The following CLRN3 variants were observed in gnomAD, a reference collection of about 807,000 sequenced individuals.
CLRN3 encodes the protein clarin-3.
Under a neutral mutation model 16.7 loss-of-function variants are expected in CLRN3, and 12 were observed. The ratio of observed to expected loss-of-function variants is 0.72; its 90% CI spans 0.46 to 1.16. The LOEUF (loss-of-function observed/expected upper bound fraction) is 1.16. Ranked by LOEUF, CLRN3 falls within the 50% of genes most tolerant of loss-of-function variation. The probability of loss-of-function intolerance (pLI) is 0.00; values close to 1 mark genes in which losing one functional copy is unlikely to be tolerated. For missense variants in CLRN3, 296 were observed against 274.2 expected (o/e 1.08, Z -0.56); for synonymous variants, 118 against 113.0 (o/e 1.04, Z -0.28).
Position 127,892,615 on chromosome 10 carries a change from C to A in CLRN3, c.170G>T (p.Arg57Leu), listed in dbSNP as rs149266641. The change falls in exon 1 of 3, where the codon CGT becomes CTT. Residue 57 changes from arginine (R) to leucine (L), a missense_variant. Arg to Leu is a moderately radical substitution (Grantham distance 102). Coordinates refer to ENST00000368671, the MANE Select transcript of CLRN3 (RefSeq NM_152311.5). The stretch of plus-strand genomic sequence containing the variant: ...ACTCAATTCTTCACTACTCTCCCCA[C>A]GAAAAAGTCCGTAAGTGATGAAAAT... The part of the protein sequence containing the change: ...GSIFITYGLF[R>L]GESSEELSHG... 32 of 1,613,340 alleles carry A rather than the reference C, an allele frequency of 2.0e-5. No individual in the cohort carries two copies. Among genetic ancestry groups the A allele is most frequent in the Non-Finnish European group, 2.5e-5 (30 of 1,179,412 alleles).
At chr10:127,886,935 C>T (rs1285024328) in intron 1 of CLRN3, among the ~76,000 whole-genome samples, 1 of 152,164 alleles carries the variant, frequency 6.6e-6, no homozygotes, top group Non-Finnish European at 1.5e-5. Context: ...CAGCCACTGC[C>T]TGTTGCCTGG....
At chr10:127,884,272 T>A (rs1246404588) in intron 1 of CLRN3, among the ~76,000 whole-genome samples, 1 of 152,172 alleles carries the variant, frequency 6.6e-6, no homozygotes, top group African/African-American at 2.4e-5. Context: ...TGGCTTCCAC[T>A]TGGAGGCACT....
chr10:127,879,387 C>A (rs558679265), intron 2 of CLRN3, among the ~76,000 whole-genome samples: 6 of 152,126 alleles, frequency 3.9e-5, no homozygotes, highest in Admixed American at 6.5e-5. Flanking sequence ...GCTACTCTGC[C>A]GAGCCCTAAA....
chr10:127,887,115 C>A (rs1384407821), intron 1 of CLRN3, among the ~76,000 whole-genome samples: 1 of 152,104 alleles, frequency 6.6e-6, no homozygotes, highest in African/African-American at 2.4e-5. Context: ...CAATTTAGCA[C>A]ACACTTGTTT....
chr10:127,886,987 G>T (rs917008388), intron 1 of CLRN3, among the ~76,000 whole-genome samples: 1 of 152,212 alleles, frequency 6.6e-6, no homozygotes, highest in Non-Finnish European at 1.5e-5. Context: ...TTCTGGGTGG[G>T]TGGGATGTGG....
intron 1 of CLRN3, among the ~76,000 whole-genome samples, chr10:127,889,943 C>A (rs927584819): frequency 1.3e-5 from 2 of 152,206 alleles, no homozygotes; most frequent in Admixed American, 1.3e-4. Flanking sequence ...CACCTCCTAG[C>A]AGCTCATTTT....
chr10:127,880,422 C>T (rs750336030), intron 2 of CLRN3, among the ~76,000 whole-genome samples: 50 of 152,208 alleles, frequency 3.3e-4, no homozygotes, highest in Middle Eastern at 3.4e-3. Flanking sequence ...GAGGAAGCCC[C>T]GGGGTAGATG....
At chr10:127,881,741 G>T (rs1329760198) in intron 2 of CLRN3, among the ~76,000 whole-genome samples, 1 of 152,222 alleles carries the variant, frequency 6.6e-6, no homozygotes, top group Non-Finnish European at 1.5e-5. Flanking sequence ...TGGAGGAAAT[G>T]AGAAATTTTT....
intron 2 of CLRN3, among the ~76,000 whole-genome samples, chr10:127,878,855 G>C (rs1251267422): frequency 1.3e-5 from 2 of 152,150 alleles, no homozygotes. Flanking sequence ...CAGTGGGCCT[G>C]GAGCACCTGG....
chr10:127,883,650 G>A (rs374154204), intron 2 of CLRN3, 46 bp downstream of exon 2: 28 of 1,338,140 alleles, frequency 2.1e-5, no homozygotes, highest in African/African-American at 2.9e-5. Flanking sequence ...GGGGACAAGC[G>A]GGATGCAGTT....
At chr10:127,889,091 A>G (rs189590282) in intron 1 of CLRN3, among the ~76,000 whole-genome samples, 6 of 152,324 alleles carry the variant, frequency 3.9e-5, no homozygotes, top group Admixed American at 1.3e-4. Context: ...CAAAGAGTGC[A>G]GTGTCACATG....
chr10:127,878,463 T>C (rs777133024), intron 2 of CLRN3, 43 bp from the exon 3 acceptor site: 8 of 1,606,710 alleles, frequency 5.0e-6, no homozygotes, highest in Non-Finnish European at 6.8e-6. Flanking sequence ...GGTGATACAG[T>C]TTTTAATGTC....
At position 127,892,423 on chromosome 10, in the gene CLRN3, T is replaced by C. The variant is rs113934939; in HGVS notation, c.229+133A>G. ...CATGGCAAATTTCCAAAATTATGAGTTAAGCTTGTACCTTCAGCCTAACCC... is the reference window on the plus strand; with the variant it reads ...CATGGCAAATTTCCAAAATTATGAGCTAAGCTTGTACCTTCAGCCTAACCC... On this transcript the variant is annotated intron_variant, in intron 1 of 2. Transcript: ENST00000368671. The C allele has an allele frequency of 1.4e-5, 9 of 629,976 alleles. No homozygotes were observed. The East Asian group carries it at 2.2e-4, about 15-fold the overall frequency. The allele number at this position is 629,976 out of a possible 1,614,324, so 39.0% of individuals were successfully genotyped here.
chr10:127,884,842 G>C (rs540346447), intron 1 of CLRN3, among the ~76,000 whole-genome samples: 1 of 152,344 alleles, frequency 6.6e-6, no homozygotes, highest in East Asian at 1.9e-4. Context: ...CGGGCTGACA[G>C]GGTGTGTGAG....
chr10:127,882,131 T>G (rs1845135118), intron 2 of CLRN3, among the ~76,000 whole-genome samples: 1 of 152,234 alleles, frequency 6.6e-6, no homozygotes. Flanking sequence ...TCCCTTAACC[T>G]CTGACACTCA....
At chr10:127,886,564 G>A (rs1845196535) in intron 1 of CLRN3, among the ~76,000 whole-genome samples, 2 of 152,214 alleles carry the variant, frequency 1.3e-5, no homozygotes, top group African/African-American at 4.8e-5. Context: ...GTGAGAAAGT[G>A]CAGGAAAGAA....
rs752016614 is a variant in CLRN3 at position 127,878,174 on chromosome 10, G to T, written c.656C>A (p.Ala219Asp). ...TCAGAATAAAATTCCGTCCCTTGGAGCATATTCCATTGGCTTTCTCTGCTC... is the reference window on the plus strand; with the variant it reads ...TCAGAATAAAATTCCGTCCCTTGGATCATATTCCATTGGCTTTCTCTGCTC... Reference protein sequence around the residue: ...KQEQRKPMEYAPRDGILF With the variant: ...KQEQRKPMEYDPRDGILF The change falls in exon 3 of 3, where the codon GCT (alanine) becomes GAT (aspartate). Residue 219 changes from alanine (A) to aspartate (D), a missense_variant. By Grantham distance (126) the Ala-to-Asp change is moderately radical. Transcript: ENST00000368671. 9.3e-6 allele frequency: 15 copies of T among 1,613,548 alleles called. No individual in the cohort carries two copies. In the South Asian group the frequency reaches 1.5e-4, roughly 17 times the overall value.
intron 1 of CLRN3, among the ~76,000 whole-genome samples, chr10:127,887,656 G>A (rs114309849): frequency 1.1e-3 from 163 of 152,250 alleles, no homozygotes; most frequent in African/African-American, 3.8e-3. Flanking sequence ...TGAATTTCCT[G>A]CCACACAGGT....
At chr10:127,885,532 T>C (rs1443382222) in intron 1 of CLRN3, among the ~76,000 whole-genome samples, 3 of 152,200 alleles carry the variant, frequency 2.0e-5, no homozygotes, top group Non-Finnish European at 4.4e-5. Flanking sequence ...CCTGCCAGCC[T>C]GGCCTCCTAC....
Sources: gnomAD v4.1 joint callset for allele counts (sites outside exome capture counted in the v4.1 genomes callset) on GRCh38, gnomAD v4.1.1 for gene constraint, MANE v1.5 for transcripts, NCBI Gene and HGNC (gene_info 2026-07-23, HGNC 2026-07-21) for gene names.